Variants in LMX1B observed in about 807,000 individuals in gnomAD.
The protein encoded by LMX1B is LIM homeobox transcription factor 1-beta.
LMX1B carries 12 observed loss-of-function variants against 51.4 expected under a neutral mutation model. The ratio of observed to expected loss-of-function variants is 0.23; its 90% confidence interval spans 0.15 to 0.38. The LOEUF (loss-of-function observed/expected upper bound fraction) is 0.38, where lower values mean the gene tolerates loss of function less well. Ranked by LOEUF, LMX1B falls within the 10% of genes least tolerant of loss-of-function variation. LMX1B has a pLI of 1.00. For missense variants in LMX1B, 445 were observed against 571.1 expected, an observed-to-expected ratio of 0.78 and a Z score of 2.25; for synonymous variants, 237 against 235.4, an observed-to-expected ratio of 1.01 and a Z score of -0.06.
chr9:126,670,599 A>G (rs1362293724), intron 2 of LMX1B, among the ~76,000 whole-genome samples: 2 of 152,274 alleles, frequency 1.3e-5, no homozygotes, highest in Admixed American at 6.5e-5. Context: ...ACATACACAT[A>G]TGTATTGACA....
intron 2 of LMX1B, among the ~76,000 whole-genome samples, chr9:126,678,905 T>C (rs1836621742): frequency 6.6e-6 from 1 of 152,246 alleles, no homozygotes; most frequent in Non-Finnish European, 1.5e-5. Context: ...CAGAAAACAC[T>C]TGCTCAAAGA....
intron 2 of LMX1B, among the ~76,000 whole-genome samples, chr9:126,687,779 G>A (rs2029961780): frequency 6.6e-6 from 1 of 152,180 alleles, no homozygotes; most frequent in African/African-American, 2.4e-5. Flanking sequence ...GACAAGGCAT[G>A]GAACTCAAGT....
chr9:126,696,622 C>T lies in LMX1B; in HGVS notation c.*171C>T, dbSNP rs1222734414. The T allele has an allele frequency of 2.9e-6, 2 of 679,280 alleles. No homozygotes were observed. 42.1% of individuals were successfully genotyped at this position (679,280 alleles called of 1,614,324 possible). ...ACTGTGCCCGTTGGGTACAGCCAGA[C>T]CGGTAGATGGGCACAGCCTGGGCAG... On this transcript the variant is annotated 3_prime_UTR_variant, in exon 8 of 8. Transcript: ENST00000373474.
Position 126,625,055 on chromosome 9 carries a change from C to T in LMX1B, c.326+9486C>T, listed in dbSNP as rs1835495280. 6.6e-6 allele frequency among the ~76,000 whole-genome samples: 1 copy of T among 152,244 alleles called. No homozygotes were observed. The highest frequency in any genetic ancestry group is 1.5e-5 in the Non-Finnish European group (1 of 68,046). On this transcript the variant is annotated intron_variant, in intron 2 of 7. Coordinates refer to ENST00000373474, the MANE Select transcript of LMX1B (RefSeq NM_001174147.2). This position sits in a 1 kb window ranked among gnomAD's most constrained non-coding sequence, Gnocchi z 5.3. ...ATCAGAGGCTGTGCCGCTCAAACCGCGGGGCCCTTTGTCCCACGGAGTGAA... is the reference window on the plus strand; with the variant it reads ...ATCAGAGGCTGTGCCGCTCAAACCGTGGGGCCCTTTGTCCCACGGAGTGAA...
chr9:126,679,806 CT>C, intron 2 of LMX1B, among the ~76,000 whole-genome samples: 1 of 152,134 alleles, frequency 6.6e-6, no homozygotes, highest in Non-Finnish European at 1.5e-5. Flanking sequence ...GGGCTCTCTG[CT>C]TTTCCACCTC....
At chr9:126,638,207 C>T (rs977656954) in intron 2 of LMX1B, among the ~76,000 whole-genome samples, 1 of 152,136 alleles carries the variant, frequency 6.6e-6, no homozygotes, top group African/African-American at 2.4e-5. Context: ...CAGGTGGGTC[C>T]CGACAGGAAT....
chr9:126,691,716 C>A (rs1462915410), intron 3 of LMX1B, among the ~76,000 whole-genome samples: 1 of 152,200 alleles, frequency 6.6e-6, no homozygotes, highest in East Asian at 1.9e-4. Flanking sequence ...GCCTGAGAGG[C>A]AGGGAGATGA....
chr9:126,691,572 G>T (rs961696674), intron 3 of LMX1B, among the ~76,000 whole-genome samples: 1 of 152,142 alleles, frequency 6.6e-6, no homozygotes. Context: ...ACTGTGGATT[G>T]TGCTTGTGTG....
At chr9:126,662,951 C>T (rs1836273473) in intron 2 of LMX1B, among the ~76,000 whole-genome samples, 1 of 152,202 alleles carries the variant, frequency 6.6e-6, no homozygotes, top group Non-Finnish European at 1.5e-5. Flanking sequence ...AAACACAATC[C>T]AAACACACTG....
chr9:126,622,590 G>A (rs1182544276), intron 2 of LMX1B, among the ~76,000 whole-genome samples: 3 of 152,248 alleles, frequency 2.0e-5, no homozygotes, highest in African/African-American at 7.2e-5. Context: ...GGGTGTGACT[G>A]CTGTTCCCCC....
intron 2 of LMX1B, among the ~76,000 whole-genome samples, chr9:126,639,996 A>T (rs1588274088): frequency 6.6e-6 from 1 of 152,248 alleles, no homozygotes; most frequent in Non-Finnish European, 1.5e-5. Flanking sequence ...CTCAAATGCT[A>T]TGGGAAATTT....
At chr9:126,664,658 C>A (rs1308177473) in intron 2 of LMX1B, among the ~76,000 whole-genome samples, 2 of 152,172 alleles carry the variant, frequency 1.3e-5, no homozygotes, top group Non-Finnish European at 2.9e-5. Context: ...GGCAGATCAC[C>A]AGGTCAGGAG....
Position 126,671,227 on chromosome 9 carries a change from G to A in LMX1B, c.327-19609G>A, listed in dbSNP as rs1836443960. The stretch of plus-strand genomic sequence containing the variant: ...CGCCGAGCTCTGAGCTGGGGGGAGG[G>A]GACCCCGCTCGGAAATCGGTCATAA... On this transcript the variant is annotated intron_variant, in intron 2 of 7. Coordinates refer to ENST00000373474, the MANE Select transcript of LMX1B (RefSeq NM_001174147.2). This position sits in a 1 kb window ranked among gnomAD's most constrained non-coding sequence, Gnocchi z 4.4. Among the ~76,000 whole-genome samples, 1 of 152,190 alleles carries A rather than the reference G, an allele frequency of 6.6e-6. No homozygotes were observed. The highest frequency in any genetic ancestry group is 1.5e-5 in the Non-Finnish European group (1 of 68,032).
At position 126,658,514 on chromosome 9, in the gene LMX1B, C is replaced by T. The variant is rs1836162506; in HGVS notation, c.327-32322C>T. Reference sequence around the variant, plus strand: ...GGACTAATTAGATATAATTCATTATCCTCAAAAATGAGATCAGAAATCAGG... The same window carrying T: ...GGACTAATTAGATATAATTCATTATTCTCAAAAATGAGATCAGAAATCAGG... On this transcript the variant is annotated intron_variant, in intron 2 of 7. Transcript: ENST00000373474. This position sits in a 1 kb window ranked among gnomAD's most constrained non-coding sequence, Gnocchi z 4.0. Among the ~76,000 whole-genome samples, 1 of 152,144 alleles carries T rather than the reference C, an allele frequency of 6.6e-6. No individual in the cohort carries two copies. Among genetic ancestry groups the T allele is most frequent in the Non-Finnish European group, 1.5e-5 (1 of 68,036 alleles).
intron 2 of LMX1B, among the ~76,000 whole-genome samples, chr9:126,653,193 C>T (rs1836054524): frequency 1.5e-5 from 2 of 137,686 alleles, no homozygotes; most frequent in Admixed American, 7.9e-5. Flanking sequence ...CACTTGGTCA[C>T]CCGGGCTGGA....
At chr9:126,676,863 C>T (rs1334382588) in intron 2 of LMX1B, among the ~76,000 whole-genome samples, 1 of 152,166 alleles carries the variant, frequency 6.6e-6, no homozygotes, top group Non-Finnish European at 1.5e-5. Context: ...TAAAGCTAGG[C>T]GCTTTTTAAT....
intron 2 of LMX1B, among the ~76,000 whole-genome samples, chr9:126,657,950 G>T (rs1477514437): frequency 6.6e-6 from 1 of 152,152 alleles, no homozygotes; most frequent in East Asian, 1.9e-4. Context: ...GCCTCACTTA[G>T]CAGCACAGTC....
intron 2 of LMX1B, among the ~76,000 whole-genome samples, chr9:126,683,264 C>T (rs1836710647): frequency 1.3e-5 from 2 of 151,320 alleles, no homozygotes; most frequent in Admixed American, 6.6e-5. Context: ...GCGTGATTGA[C>T]GCGCGTACCG....
At chr9:126,628,464 G>A (rs1369586032) in intron 2 of LMX1B, among the ~76,000 whole-genome samples, 1 of 152,196 alleles carries the variant, frequency 6.6e-6, no homozygotes, top group African/African-American at 2.4e-5. Context: ...TCTACAAGGC[G>A]ACAGATCAGG....
Sources: allele counts gnomAD v4.1 joint callset (sites outside exome capture counted in the v4.1 genomes callset), GRCh38; gene constraint gnomAD v4.1.1; non-coding constraint Gnocchi (gnomAD v3.1); transcripts MANE v1.5; gene names NCBI Gene and HGNC (gene_info 2026-07-23, HGNC 2026-07-21).